The following RUNX1T1 variants were observed in gnomAD, a reference collection of about 807,000 sequenced individuals.
RUNX1T1 encodes the protein protein CBFA2T1.
A neutral mutation model predicts 62.8 loss-of-function variants in RUNX1T1; 4 were observed. That is an observed-to-expected ratio of 0.06 (90% CI 0.03 to 0.15). RUNX1T1 has a LOEUF of 0.15. Ranked by LOEUF, RUNX1T1 falls within the 10% of genes least tolerant of loss-of-function variation. RUNX1T1 has a pLI of 1.00. For missense variants in RUNX1T1, 508 were observed against 754.3 expected (o/e 0.67, Z 3.82); for synonymous variants, 291 against 286.0 (o/e 1.02, Z -0.18).
chr8:92,010,113 CCAAA>C (rs1304941863), intron 4 of RUNX1T1: 4 of 152,200 alleles, frequency 2.6e-5, no homozygotes, highest in Middle Eastern at 3.4e-3. Context: ...CTGGTGTCTC[CCAAA>C]CAAAGTTCTA....
chr8:91,991,462 C>A (rs1817661307), intron 6 of RUNX1T1, among the ~76,000 whole-genome samples, 177 bp downstream of exon 7: 1 of 152,028 alleles, frequency 6.6e-6, no homozygotes, highest in Admixed American at 6.5e-5. Flanking sequence ...GAAAGTACAG[C>A]TGTTAAAAGT....
At chr8:92,052,475 A>T (rs1481626484) in intron 1 of RUNX1T1, among the ~76,000 whole-genome samples, 1 of 152,242 alleles carries the variant, frequency 6.6e-6, no homozygotes, top group Non-Finnish European at 1.5e-5. Context: ...TTTAAAATAA[A>T]TCATATTTCT....
chr8:91,970,991 A>G, intron 9 of RUNX1T1, 143 bp from the exon 11 acceptor site: 1 of 554,450 alleles, frequency 1.8e-6, no homozygotes, highest in Non-Finnish European at 2.9e-6. Flanking sequence ...CCTCTGCATC[A>G]ATTTCCCCTA....
At chr8:92,081,155 G>A (rs1835199482) in intron 1 of RUNX1T1, 3 of 340,508 alleles carry the variant, frequency 8.8e-6, no homozygotes, top group Admixed American at 6.5e-5. Flanking sequence ...CTAAGCTTCA[G>A]ATTTAAATCT....
chr8:92,081,738 A>C (rs760886815), intron 1 of RUNX1T1, among the ~76,000 whole-genome samples: 23 of 151,856 alleles, frequency 1.5e-4, no homozygotes, highest in Non-Finnish European at 3.1e-4. Context: ...ACATCTCAAG[A>C]GGCTATAACA....
In RUNX1T1 at chr8:92,094,994, C is replaced by T. The variant is rs553890941; in HGVS notation, c.-86+4586G>A. 8 of 1,495,524 alleles carry T rather than the reference C, an allele frequency of 5.3e-6. 1 individual carries two copies. The East Asian group carries it at 7.4e-5, about 14-fold the overall frequency. The allele number at this position is 1,495,524 out of a possible 1,614,324, so 92.6% of individuals were successfully genotyped here. On this transcript the variant is annotated intron_variant, in intron 1 of 11. Coordinates refer to the RUNX1T1 transcript ENST00000265814. ...ACCTATTCAGACTGGCAAAACTAAA[C>T]CCAATTAAAGATAAGGCCCTCCGGT...
intron 5 of RUNX1T1, among the ~76,000 whole-genome samples, chr8:92,002,911 A>G (rs1172374748): frequency 6.6e-6 from 1 of 152,220 alleles, no homozygotes; most frequent in Non-Finnish European, 1.5e-5. Context: ...ATATGCAAAA[A>G]GAAAAAATAC....
downstream of RUNX1T1, chr8:91,958,359 A>G (rs1809678128): frequency 5.1e-6 from 1 of 195,476 alleles, no homozygotes. Context: ...CCTGCTGATC[A>G]TTTGGAAAGT....
At chr8:92,087,285 T>C (rs1314918781) in intron 1 of RUNX1T1, among the ~76,000 whole-genome samples, 1 of 152,050 alleles carries the variant, frequency 6.6e-6, no homozygotes, top group Non-Finnish European at 1.5e-5. Context: ...TTCAAGACAT[T>C]TATGATCTTT....
intron 10 of RUNX1T1, among the ~76,000 whole-genome samples, chr8:91,970,032 GTGTGTGTGTGT>G (rs990827623): frequency 1.0e-4 from 6 of 57,176 alleles, no homozygotes; most frequent in East Asian, 0.01. Context: ...GTGTGTGTGT[GTGTGTGTGTGT>G]TGTGTGTGTG....
At chr8:92,039,790 C>A (rs1828098058) in intron 1 of RUNX1T1, among the ~76,000 whole-genome samples, 1 of 152,186 alleles carries the variant, frequency 6.6e-6, no homozygotes, top group Admixed American at 6.5e-5. Flanking sequence ...CCATACCTGG[C>A]TCCATACCAA....
intron 1 of RUNX1T1, among the ~76,000 whole-genome samples, chr8:92,089,317 T>C (rs748347862): frequency 3.9e-5 from 6 of 152,188 alleles, no homozygotes; most frequent in Non-Finnish European, 7.4e-5. Context: ...TAGGTAATAA[T>C]TGAATTATTT....
At chr8:91,957,077 G>A (rs1471302035), downstream of RUNX1T1, 1 of 217,694 alleles carries the variant, frequency 4.6e-6, no homozygotes, top group East Asian at 6.7e-5. Context: ...AGAGATAAGA[G>A]CTAGAGGACG....
At chr8:92,082,117 C>T (rs1222973109) in intron 1 of RUNX1T1, among the ~76,000 whole-genome samples, 1 of 152,048 alleles carries the variant, frequency 6.6e-6, no homozygotes, top group African/African-American at 2.4e-5. Flanking sequence ...GATCTCCTGA[C>T]CTCGTGATCC....
At chr8:92,008,388 T>TCTCTCTCTCA (rs1554617950) in intron 4 of RUNX1T1, among the ~76,000 whole-genome samples, 1 of 131,898 alleles carries the variant, frequency 7.6e-6, no homozygotes, top group Non-Finnish European at 1.6e-5. Context: ...TCTCTCTCTC[T>TCTCTCTCTCA]CACACACACA....
At chr8:91,966,423 A>G (rs1811627545) in intron 10 of RUNX1T1, among the ~76,000 whole-genome samples, 2 of 152,054 alleles carry the variant, frequency 1.3e-5, no homozygotes, top group Non-Finnish European at 2.9e-5. Context: ...AATCTGGGGG[A>G]AAAACATCAC....
chr8:92,038,125 C>A (rs1827770629), intron 1 of RUNX1T1, among the ~76,000 whole-genome samples: 1 of 152,000 alleles, frequency 6.6e-6, no homozygotes, highest in Non-Finnish European at 1.5e-5. Flanking sequence ...AGCCATGGCA[C>A]AATTTCGGCT....
At chr8:92,088,473 G>T (rs1005834950) in intron 1 of RUNX1T1, among the ~76,000 whole-genome samples, 1 of 152,168 alleles carries the variant, frequency 6.6e-6, no homozygotes, top group African/African-American at 2.4e-5. Context: ...ATAACCAGTG[G>T]GGATAACTTC....
At chr8:91,997,822 T>C (rs1357693573) in intron 5 of RUNX1T1, among the ~76,000 whole-genome samples, 1 of 152,246 alleles carries the variant, frequency 6.6e-6, no homozygotes, top group African/African-American at 2.4e-5. Flanking sequence ...CCCTAGACTG[T>C]AGCTCCTTGA....
Sources: allele counts gnomAD v4.1 joint callset (sites outside exome capture counted in the v4.1 genomes callset), GRCh38; gene constraint gnomAD v4.1.1; transcripts MANE v1.5; gene names NCBI Gene and HGNC (gene_info 2026-07-23, HGNC 2026-07-21).